Variants in SLC44A5 observed in about 807,000 individuals in gnomAD.
SLC44A5 encodes solute carrier family 44 member 5.
Under a neutral mutation model 101.8 loss-of-function variants are expected in SLC44A5, and 57 were observed. That is an observed-to-expected ratio of 0.56 (90% CI 0.45 to 0.70). The LOEUF is 0.70. SLC44A5 is among the 30% of genes least tolerant of loss of function. The probability of loss-of-function intolerance (pLI) is 0.00; values close to 1 mark genes in which losing one functional copy is unlikely to be tolerated. For missense variants in SLC44A5, 737 were observed against 853.1 expected (o/e 0.86, Z 1.70); for synonymous variants, 281 against 290.9 (o/e 0.97, Z 0.35).
intron 2 of SLC44A5, among the ~76,000 whole-genome samples, chr1:75,445,323 G>T (rs1445945568): frequency 2.6e-5 from 4 of 151,872 alleles, no homozygotes; most frequent in Non-Finnish European, 5.9e-5. Context: ...ATGAGTAAAG[G>T]CATCCTTAGG....
chr1:75,273,812 C>A (rs538954470), intron 6 of SLC44A5, among the ~76,000 whole-genome samples: 68 of 152,178 alleles, frequency 4.5e-4, no homozygotes, highest in African/African-American at 1.4e-3. Context: ...CATCTATGTT[C>A]ATTAAGGATA....
intron 1 of SLC44A5, among the ~76,000 whole-genome samples, chr1:75,600,834 T>C (rs1674932569): frequency 6.6e-6 from 1 of 152,198 alleles, no homozygotes; most frequent in South Asian, 2.1e-4. Context: ...TAGATATGGC[T>C]ACACCATCTA....
intron 9 of SLC44A5, among the ~76,000 whole-genome samples, chr1:75,241,430 G>A (rs1648621854): frequency 6.6e-6 from 1 of 151,860 alleles, no homozygotes; most frequent in Admixed American, 6.6e-5. Context: ...GTTTCACTAT[G>A]TTGCTGAGGT....
the SLC44A5 span, among the ~76,000 whole-genome samples, chr1:75,664,022 T>A: frequency 6.6e-6 from 1 of 152,166 alleles, no homozygotes; most frequent in African/African-American, 2.4e-5. Flanking sequence ...TCAATACACA[T>A]GATTCACCAC....
At chr1:75,400,725 C>T (rs1662425273) in intron 2 of SLC44A5, among the ~76,000 whole-genome samples, 1 of 152,160 alleles carries the variant, frequency 6.6e-6, no homozygotes, top group African/African-American at 2.4e-5. Flanking sequence ...TTGGCTTTGG[C>T]CTGAGGTCCT....
chr1:75,312,159 T>C (rs987841608), intron 4 of SLC44A5, among the ~76,000 whole-genome samples: 2 of 152,190 alleles, frequency 1.3e-5, no homozygotes, highest in African/African-American at 2.4e-5. Context: ...TCATTCTCTT[T>C]CTTCCCTGCC....
At chr1:75,702,075 A>G in the SLC44A5 span, among the ~76,000 whole-genome samples, 1 of 152,302 alleles carries the variant, frequency 6.6e-6, no homozygotes, top group African/African-American at 2.4e-5. Flanking sequence ...GAAAATGGCC[A>G]TACTGCCCAA....
chr1:75,656,754 A>G, the SLC44A5 span, among the ~76,000 whole-genome samples: 1 of 152,354 alleles, frequency 6.6e-6, no homozygotes, highest in East Asian at 1.9e-4. Flanking sequence ...GTAAGAAAAA[A>G]GAAAGGAGGA....
chr1:75,645,205 G>A, the SLC44A5 span, among the ~76,000 whole-genome samples: 5 of 152,146 alleles, frequency 3.3e-5, no homozygotes, highest in Non-Finnish European at 7.3e-5. Context: ...TCGCCACACT[G>A]TCTTCCACAA....
chr1:75,353,604 T>C (rs138737013), intron 3 of SLC44A5, among the ~76,000 whole-genome samples: 1 of 152,332 alleles, frequency 6.6e-6, no homozygotes, highest in African/African-American at 2.4e-5. Flanking sequence ...CTACTTTTTA[T>C]TCACTCTCCA....
At chr1:75,716,011 G>C in the SLC44A5 span, among the ~76,000 whole-genome samples, 1 of 152,134 alleles carries the variant, frequency 6.6e-6, no homozygotes, top group Admixed American at 6.5e-5. Flanking sequence ...GACATGAACA[G>C]ATACTTTTGA....
At chr1:75,673,702 C>T in the SLC44A5 span, among the ~76,000 whole-genome samples, 27 of 152,068 alleles carry the variant, frequency 1.8e-4, no homozygotes, top group African/African-American at 6.5e-4. Context: ...TCCCCAAGCT[C>T]CTAGGAGCTC....
At chr1:75,667,616 A>C in the SLC44A5 span, among the ~76,000 whole-genome samples, 1 of 152,090 alleles carries the variant, frequency 6.6e-6, no homozygotes, top group East Asian at 1.9e-4. Context: ...AAAAACAAAA[A>C]CAAAAACAAC....
At chr1:75,468,459 A>G (rs1666935811) in intron 2 of SLC44A5, among the ~76,000 whole-genome samples, 1 of 152,204 alleles carries the variant, frequency 6.6e-6, no homozygotes, top group Admixed American at 6.5e-5. Flanking sequence ...AAAACATCAT[A>G]TTATACACCA....
intron 6 of SLC44A5, among the ~76,000 whole-genome samples, chr1:75,257,124 T>C (rs1650085607): frequency 6.6e-6 from 1 of 152,206 alleles, no homozygotes; most frequent in South Asian, 2.1e-4. Flanking sequence ...TCTTCATTAC[T>C]ATTTTGTTTG....
chr1:75,490,207 G>A (rs1668357367), intron 2 of SLC44A5, among the ~76,000 whole-genome samples: 1 of 152,078 alleles, frequency 6.6e-6, no homozygotes, highest in Admixed American at 6.6e-5. Flanking sequence ...AAGGAGGAAT[G>A]AATAATGCAT....
chr1:75,268,893 T>C (rs957928596), intron 6 of SLC44A5, among the ~76,000 whole-genome samples: 2 of 152,174 alleles, frequency 1.3e-5, no homozygotes, highest in Admixed American at 1.3e-4. Context: ...ATTTAGGTTG[T>C]TTCCATTTTA....
chr1:75,392,018 C>T (rs1012678572), intron 3 of SLC44A5, among the ~76,000 whole-genome samples: 5 of 151,942 alleles, frequency 3.3e-5, no homozygotes, highest in South Asian at 4.2e-4. Flanking sequence ...AGCCAGGCAT[C>T]GTGGCACATA....
chr1:75,677,665 CA>C, the SLC44A5 span: 1,726 of 400,270 alleles, frequency 4.3e-3, 18 homozygotes, highest in African/African-American at 0.036. Context: ...ACAAACTCTC[CA>C]ATAAAAAAAC....
Sources: gnomAD v4.1 joint callset for allele counts (sites outside exome capture counted in the v4.1 genomes callset) on GRCh38, gnomAD v4.1.1 for gene constraint, MANE v1.5 for transcripts, NCBI Gene and HGNC (gene_info 2026-07-23, HGNC 2026-07-21) for gene names.